Variants in TMEM213 observed in about 807,000 individuals in gnomAD.
TMEM213 encodes transmembrane protein 213.
TMEM213 carries 7 observed loss-of-function variants against 11.6 expected under a neutral mutation model. The observed-to-expected ratio is 0.60, with a 90% CI of 0.34 to 1.13. TMEM213 has a LOEUF of 1.13. TMEM213 is among the 50% of genes most tolerant of loss of function. The pLI, the probability that TMEM213 is intolerant of heterozygous loss-of-function variation, is 0.03. For missense variants in TMEM213, 129 were observed against 139.0 expected, an observed-to-expected ratio of 0.93 and a Z score of 0.36; for synonymous variants, 60 against 58.3, an observed-to-expected ratio of 1.03 and a Z score of -0.13.
chr7:138,803,352 G>A lies in TMEM213; in HGVS notation c.*283G>A, dbSNP rs1809008614. ...TTAACCTTTCTTCTAGGCACCAAGG[G>A]AGGTGCACAAGAAACTATAAGACTT... is the stretch of plus-strand genomic sequence containing the variant. On this transcript the variant is annotated 3_prime_UTR_variant, in exon 3 of 3. Transcript: ENST00000442682. 1.0e-5 allele frequency: 4 copies of A among 396,670 alleles called. No homozygotes were observed. Among genetic ancestry groups the A allele is most frequent in the South Asian group, 2.6e-5 (1 of 38,606 alleles). 24.6% of individuals were successfully genotyped at this position (396,670 alleles called of 1,614,324 possible).
chr7:138,801,604 A>G (rs774722771), intron 2 of TMEM213: 3 of 580,484 alleles, frequency 5.2e-6, no homozygotes, highest in Non-Finnish European at 9.2e-6. Flanking sequence ...TAGGTGCACA[A>G]TCTTTGACAC....
rs1294929565 is a variant in TMEM213, at chr7:138,805,401, A to G, written c.*2332A>G. 1.3e-5 allele frequency: 2 copies of G among 151,926 alleles called. No individual in the cohort carries two copies. Among genetic ancestry groups the G allele is most frequent in the Non-Finnish European group, 2.9e-5 (2 of 67,990 alleles). 9.4% of individuals were successfully genotyped at this position (151,926 alleles called of 1,614,324 possible). A position where few individuals can be genotyped will look rare whatever the true frequency, so the allele number is the denominator to read the frequency against. On this transcript the variant is annotated 3_prime_UTR_variant, in exon 3 of 3. Coordinates refer to ENST00000442682, the MANE Select transcript of TMEM213 (RefSeq NM_001085429.2). ...CAAAGTGAGACCCTGTCTGGAAAAA[A>G]AAAAAAAAAAAGCGTCTGCATAATT...
chr7:138,798,016 A>G lies in TMEM213; in HGVS notation c.-89A>G. 1.9e-6 allele frequency: 3 copies of G among 1,550,280 alleles called. No homozygotes were observed. Among genetic ancestry groups the G allele is most frequent in the African/African-American group, 1.4e-5 (1 of 73,152 alleles). On this transcript the variant is annotated 5_prime_UTR_variant, in exon 1 of 3. Transcript: ENST00000442682. ...GGCAGAGTTGCTTTCCAGCTCCTGC[A>G]GGTGGGAGTCGACTCACCTGCAGCA...
Position 138,798,008 on chromosome 7 carries a change from G to T in TMEM213, c.-97G>T, listed in dbSNP as rs944309357. ...TCACCTCTGGCAGAGTTGCTTTCCA[G>T]CTCCTGCAGGTGGGAGTCGACTCAC... is the stretch of plus-strand genomic sequence containing the variant. On this transcript the variant is annotated 5_prime_UTR_variant, in exon 1 of 3. Transcript: ENST00000442682. 2 of 1,549,316 alleles carry T rather than the reference G, an allele frequency of 1.3e-6. No homozygotes were observed. The highest frequency in any genetic ancestry group is 1.7e-6 in the Non-Finnish European group (2 of 1,146,212).
chr7:138,800,251 A>G (rs149953340), intron 1 of TMEM213, among the ~76,000 whole-genome samples: 1 of 151,954 alleles, frequency 6.6e-6, no homozygotes, highest in Non-Finnish European at 1.5e-5. Context: ...AGTTTTTTTT[A>G]CTGAATTTGA....
intron 1 of TMEM213, 87 bp downstream of exon 1, chr7:138,798,273 G>A: frequency 2.6e-6 from 3 of 1,152,856 alleles, no homozygotes; most frequent in Non-Finnish European, 3.5e-6. Context: ...GGAGGAGGGG[G>A]AAGATTCTTT....
chr7:138,798,228 G>C (rs1281990623), intron 1 of TMEM213, 42 bp downstream of exon 1: 2 of 1,525,370 alleles, frequency 1.3e-6, no homozygotes, highest in South Asian at 2.4e-5. Flanking sequence ...TGGGAAGGGG[G>C]AGGGAAGGAG....
chr7:138,804,290 C>T lies in TMEM213; in HGVS notation c.*1221C>T, dbSNP rs146784951. On this transcript the variant is annotated 3_prime_UTR_variant, in exon 3 of 3. Transcript: ENST00000442682. ...CATTCAGCTCTTTGGAGGAGTCCATCTGTCCCCCAGCACATCCAGGAGTAA... is the reference window on the plus strand; with the variant it reads ...CATTCAGCTCTTTGGAGGAGTCCATTTGTCCCCCAGCACATCCAGGAGTAA... 2.6e-4 allele frequency: 39 copies of T among 152,562 alleles called. No individual in the cohort carries two copies. Among genetic ancestry groups the T allele is most frequent in the African/African-American group, 9.1e-4 (38 of 41,576 alleles). 9.5% of individuals were successfully genotyped at this position (152,562 alleles called of 1,614,324 possible). A position where few individuals can be genotyped will look rare whatever the true frequency, so the allele number is the denominator to read the frequency against.
Position 138,802,990 on chromosome 7 carries a change from G to T in TMEM213, c.245G>T (p.Trp82Leu). 1 of 1,613,658 alleles carries T rather than the reference G, an allele frequency of 6.2e-7. No individual in the cohort carries two copies. The highest frequency in any genetic ancestry group is 2.2e-5 in the East Asian group (1 of 44,882). The part of the protein sequence containing the change: ...WIAAAVGWSL[W>L]FLTLILLCVD... ...GCGGCAGCTGTTGGCTGGAGCCTCT[G>T]GTTCCTCACCCTCATCCTGCTCTGT... Residue 82 changes from tryptophan to leucine, a missense_variant, in exon 3 of 3, where the codon TGG becomes TTG. Trp to Leu is a moderately conservative substitution (Grantham distance 61). Coordinates refer to ENST00000442682, the MANE Select transcript of TMEM213 (RefSeq NM_001085429.2).
At position 138,803,012 on chromosome 7, in the gene TMEM213, C is replaced by T; in HGVS notation, c.267C>T (p.Leu89=). 6.2e-7 allele frequency: 1 copy of T among 1,613,826 alleles called. No individual in the cohort carries two copies. Among genetic ancestry groups the T allele is most frequent in the Non-Finnish European group, 8.5e-7 (1 of 1,179,898 alleles). ...TCTGGTTCCTCACCCTCATCCTGCT[C>T]TGTGTGGACAAACTGATGAAGCTGA... The part of the protein sequence containing the change: ...WSLWFLTLIL[L]CVDKLMKLTP... The change falls in exon 3 of 3, where the codon CTC becomes CTT. Residue 89 remains leucine, a synonymous_variant. Coordinates refer to ENST00000442682, the MANE Select transcript of TMEM213 (RefSeq NM_001085429.2).
intron 1 of TMEM213, 189 bp downstream of exon 1, chr7:138,798,375 G>GGGGGT (rs1808801921): frequency 1.8e-6 from 1 of 561,028 alleles, no homozygotes; most frequent in Non-Finnish European, 3.2e-6. Context: ...CTGGGGCAGG[G>GGGGGT]GGGGTCTTAG....
At chr7:138,799,085 T>C (rs897821167) in intron 1 of TMEM213, among the ~76,000 whole-genome samples, 1 of 152,184 alleles carries the variant, frequency 6.6e-6, no homozygotes, top group African/African-American at 2.4e-5. Context: ...ACTCACTAGC[T>C]ATGCGACCTC....
chr7:138,798,748 T>TC (rs1808819579), intron 1 of TMEM213, among the ~76,000 whole-genome samples: 1 of 152,114 alleles, frequency 6.6e-6, no homozygotes, highest in African/African-American at 2.4e-5. Context: ...CTGGGTTATC[T>TC]CCCCATTTTC....
Position 138,798,206 on chromosome 7 carries a change from T to C in TMEM213, c.82+20T>C. 1 of 1,572,116 alleles carries C rather than the reference T, an allele frequency of 6.4e-7. No individual in the cohort carries two copies. Among genetic ancestry groups the C allele is most frequent in the Non-Finnish European group, 8.6e-7 (1 of 1,157,782 alleles). On this transcript the variant is annotated intron_variant, in intron 1 of 2. Transcript: ENST00000442682. ...CGGCAGGTAGCGTTATGAGCTTTATTCATGGCCAGGCTGGGAAGGGGGAGG... is the reference window on the plus strand; with the variant it reads ...CGGCAGGTAGCGTTATGAGCTTTATCCATGGCCAGGCTGGGAAGGGGGAGG...
At chr7:138,802,577 G>C (rs1357159339) in intron 2 of TMEM213, among the ~76,000 whole-genome samples, 2 of 147,230 alleles carry the variant, frequency 1.4e-5, no homozygotes, top group South Asian at 4.2e-4. Context: ...AAAAGGAAGG[G>C]GTATTAGGGA....
At position 138,803,066 on chromosome 7, in the gene TMEM213, G is replaced by A. The variant is rs764388821; in HGVS notation, c.321G>A (p.Ala107=). Residue 107 remains alanine (A), a synonymous_variant, in exon 3 of 3, where the codon GCG becomes GCA. Transcript: ENST00000442682. ...LTPDEPKDLQ[A] is the part of the protein sequence containing the mutation. ...CAGATGAGCCCAAGGACTTGCAAGC[G>A]TGAGACCCAGGCTCGGTGCACAAAA... is the stretch of plus-strand genomic sequence containing the variant. 14 of 1,612,616 alleles carry A rather than the reference G, an allele frequency of 8.7e-6. No homozygotes were observed. The highest frequency in any genetic ancestry group is 5.0e-5 in the Admixed American group (3 of 59,894).
chr7:138,803,029 T>G lies in TMEM213; in HGVS notation c.284T>G (p.Met95Arg). ...ATCCTGCTCTGTGTGGACAAACTGA[T>G]GAAGCTGACTCCAGATGAGCCCAAG... ...TLILLCVDKL[M>R]KLTPDEPKDL... Residue 95 changes from methionine (M) to arginine (R), a missense_variant, in exon 3 of 3, where the codon ATG becomes AGG. Met to Arg is a moderately conservative substitution (Grantham distance 91). Coordinates refer to ENST00000442682, the MANE Select transcript of TMEM213 (RefSeq NM_001085429.2). 6.2e-7 allele frequency: 1 copy of G among 1,613,800 alleles called. No homozygotes were observed. Among genetic ancestry groups the G allele is most frequent in the Non-Finnish European group, 8.5e-7 (1 of 1,179,878 alleles).
At chr7:138,798,297 C>A in intron 1 of TMEM213, 111 bp downstream of exon 1, 1 of 908,946 alleles carries the variant, frequency 1.1e-6, no homozygotes. Flanking sequence ...CAGGGTTGGT[C>A]CTGCGCAAAG....
At position 138,805,184 on chromosome 7, in the gene TMEM213, A is replaced by C. The variant is rs181005520; in HGVS notation, c.*2115A>C. 1 of 151,528 alleles carries C rather than the reference A, an allele frequency of 6.6e-6. No homozygotes were observed. The highest frequency in any genetic ancestry group is 1.5e-5 in the Non-Finnish European group (1 of 67,980). 9.4% of individuals were successfully genotyped at this position (151,528 alleles called of 1,614,324 possible). A position where few individuals can be genotyped will look rare whatever the true frequency, so the allele number is the denominator to read the frequency against. ...TCCTAAGTGTTAAATGATCACATAC[A>C]TAAAAGAGTCTGAGCCTGAGCAACA... is the stretch of plus-strand genomic sequence containing the variant. On this transcript the variant is annotated 3_prime_UTR_variant, in exon 3 of 3. Coordinates refer to ENST00000442682, the MANE Select transcript of TMEM213 (RefSeq NM_001085429.2).
Sources: gnomAD v4.1 joint callset for allele counts (sites outside exome capture counted in the v4.1 genomes callset) on GRCh38, gnomAD v4.1.1 for gene constraint, MANE v1.5 for transcripts, NCBI Gene and HGNC (gene_info 2026-07-23, HGNC 2026-07-21) for gene names.